Variants in PLEKHA7 observed in about 807,000 individuals in gnomAD.
PLEKHA7 encodes pleckstrin homology domain-containing family A member 7.
In PLEKHA7, 104 loss-of-function variants were observed where a neutral mutation model predicts 170.0. The observed-to-expected ratio is 0.61, with a 90% CI of 0.52 to 0.72. PLEKHA7 has a LOEUF of 0.72. Among genes scored for constraint, PLEKHA7 ranks in the 30% least tolerant of loss-of-function variants. PLEKHA7 has a pLI of 0.00. For missense variants in PLEKHA7, 1,615 were observed against 1,671.7 expected (o/e 0.97, Z 0.59); for synonymous variants, 648 against 660.8 (o/e 0.98, Z 0.30).
intron 3 of PLEKHA7, among the ~76,000 whole-genome samples, chr11:16,960,720 TTAAATAA>T (rs1289093720): frequency 6.6e-6 from 1 of 152,050 alleles, no homozygotes; most frequent in African/African-American, 2.4e-5. Context: ...GGAGAGGTGC[TTAAATAA>T]TAAATAACAA....
intron 3 of PLEKHA7, among the ~76,000 whole-genome samples, chr11:16,967,904 C>A (rs1590743447): frequency 6.6e-6 from 1 of 152,108 alleles, no homozygotes; most frequent in Admixed American, 6.6e-5. Context: ...GAAAGAGGTA[C>A]CCATCTAAAG....
At chr11:16,951,543 T>C (rs1053168445) in intron 3 of PLEKHA7, among the ~76,000 whole-genome samples, 1 of 151,958 alleles carries the variant, frequency 6.6e-6, no homozygotes, top group African/African-American at 2.4e-5. Flanking sequence ...AGATGATAAG[T>C]AAAAGAACTC....
chr11:16,908,920 G>A (rs1035744514), intron 3 of PLEKHA7, among the ~76,000 whole-genome samples: 1 of 152,188 alleles, frequency 6.6e-6, no homozygotes, highest in African/African-American at 2.4e-5. Flanking sequence ...CAGGCAGGTG[G>A]GGTTTACGGT....
At chr11:16,898,609 TA>T (rs1452167781) in intron 3 of PLEKHA7, among the ~76,000 whole-genome samples, 2 of 152,218 alleles carry the variant, frequency 1.3e-5, no homozygotes, top group Non-Finnish European at 2.9e-5. Flanking sequence ...CTACTAATAA[TA>T]GCAGCAAGTA....
intron 4 of PLEKHA7, among the ~76,000 whole-genome samples, chr11:16,866,692 A>G (rs1854424695): frequency 6.6e-6 from 1 of 152,122 alleles, no homozygotes; most frequent in African/African-American, 2.4e-5. Flanking sequence ...AATCATGAAG[A>G]TTTTGTTTGT....
At chr11:16,872,794 G>A (rs1446277220) in intron 3 of PLEKHA7, among the ~76,000 whole-genome samples, 2 of 140,006 alleles carry the variant, frequency 1.4e-5, no homozygotes, top group Admixed American at 1.4e-4. Flanking sequence ...TTAGGATTAT[G>A]CCTGGCCAAA....
At chr11:16,927,519 G>A (rs1311144646) in intron 3 of PLEKHA7, among the ~76,000 whole-genome samples, 2 of 151,754 alleles carry the variant, frequency 1.3e-5, no homozygotes, top group African/African-American at 4.8e-5. Flanking sequence ...CTCGTTTCAT[G>A]TACTCTTTCC....
intron 3 of PLEKHA7, among the ~76,000 whole-genome samples, chr11:16,944,622 T>C (rs1860908053): frequency 6.6e-6 from 1 of 152,062 alleles, no homozygotes. Context: ...GGAGACCTCA[T>C]TCACTGAATT....
At chr11:16,969,188 C>T (rs2136694881) in intron 3 of PLEKHA7, among the ~76,000 whole-genome samples, 1 of 152,250 alleles carries the variant, frequency 6.6e-6, no homozygotes. Flanking sequence ...ATGTCAGTTG[C>T]ATCATATCAC....
At chr11:16,974,196 G>C (rs1157683971) in intron 3 of PLEKHA7, among the ~76,000 whole-genome samples, 2 of 151,776 alleles carry the variant, frequency 1.3e-5, no homozygotes, top group African/African-American at 4.8e-5. Context: ...AGCCCAGGGA[G>C]GTCGAGGCTG....
chr11:16,935,536 T>C (rs1860228577), intron 3 of PLEKHA7, among the ~76,000 whole-genome samples: 1 of 152,240 alleles, frequency 6.6e-6, no homozygotes, highest in African/African-American at 2.4e-5. Context: ...CTTTAAAATA[T>C]GAAATAGCCA....
chr11:16,934,048 C>A (rs1037700541), intron 3 of PLEKHA7, among the ~76,000 whole-genome samples: 1 of 152,184 alleles, frequency 6.6e-6, no homozygotes, highest in African/African-American at 2.4e-5. Context: ...CAACAGGAAG[C>A]CCTCTGGTCC....
intron 8 of PLEKHA7, among the ~76,000 whole-genome samples, chr11:16,843,906 C>T (rs1270687942): frequency 6.6e-6 from 1 of 152,264 alleles, no homozygotes; most frequent in East Asian, 1.9e-4. Context: ...CATTGCACTC[C>T]AGCCTGGGTG....
chr11:17,013,231 C>G (rs1865423199), intron 3 of PLEKHA7: 1 of 152,374 alleles, frequency 6.6e-6, no homozygotes, highest in South Asian at 2.1e-4. Context: ...CTGACCCGCG[C>G]CTTCACTTAC....
intron 13 of PLEKHA7, among the ~76,000 whole-genome samples, chr11:16,805,847 T>C (rs140389248): frequency 6.6e-6 from 1 of 151,330 alleles, no homozygotes; most frequent in African/African-American, 2.4e-5. Flanking sequence ...TACTAGGTGT[T>C]GTAGGTTAGG....
intron 3 of PLEKHA7, among the ~76,000 whole-genome samples, chr11:17,005,663 C>T (rs771522249): frequency 6.6e-6 from 1 of 152,210 alleles, no homozygotes; most frequent in Non-Finnish European, 1.5e-5. Context: ...AAAACACACT[C>T]CTCTCATGGG....
At chr11:17,014,274 C>T (rs981980689) in intron 1 of PLEKHA7, 42 bp downstream of exon 1, 3 of 1,407,410 alleles carry the variant, frequency 2.1e-6, no homozygotes, top group Non-Finnish European at 1.8e-6. Flanking sequence ...CGCCCCCGCG[C>T]CCCCACCCGC....
intron 3 of PLEKHA7, among the ~76,000 whole-genome samples, chr11:16,946,929 T>G (rs954681966): frequency 1.3e-5 from 2 of 152,140 alleles, no homozygotes; most frequent in African/African-American, 2.4e-5. Context: ...ATTCCAACTT[T>G]GGAGTTTGCA....
intron 3 of PLEKHA7, among the ~76,000 whole-genome samples, chr11:16,873,986 A>T (rs1325427322): frequency 6.6e-6 from 1 of 152,150 alleles, no homozygotes; most frequent in Non-Finnish European, 1.5e-5. Flanking sequence ...CTAGAGACTT[A>T]TCTCCACTTG....
Sources: allele counts gnomAD v4.1 joint callset (sites outside exome capture counted in the v4.1 genomes callset), GRCh38; gene constraint gnomAD v4.1.1; transcripts MANE v1.5; gene names NCBI Gene and HGNC (gene_info 2026-07-23, HGNC 2026-07-21).